Variants in MICU1 observed in about 807,000 individuals in gnomAD.
MICU1 encodes the protein calcium uptake protein 1, mitochondrial.
In MICU1, 45 loss-of-function variants were observed where a neutral mutation model predicts 56.8. That is an observed-to-expected ratio of 0.79 (90% CI 0.62 to 1.02). MICU1 has a LOEUF of 1.02. MICU1 is among the 50% of genes least tolerant of loss of function. MICU1 has a pLI of 0.00. For missense variants in MICU1, 504 were observed against 587.1 expected, an observed-to-expected ratio of 0.86 and a Z score of 1.46; for synonymous variants, 186 against 195.1, an observed-to-expected ratio of 0.95 and a Z score of 0.39.
At chr10:72,540,281 A>G (rs1445977524) in intron 4 of MICU1, among the ~76,000 whole-genome samples, 2 of 151,878 alleles carry the variant, frequency 1.3e-5, no homozygotes, top group Non-Finnish European at 2.9e-5. Context: ...AAAAAAAAAA[A>G]AAAAAGAAAA....
At chr10:72,506,796 T>C (rs972557192) in intron 6 of MICU1, among the ~76,000 whole-genome samples, 39 of 152,210 alleles carry the variant, frequency 2.6e-4, no homozygotes, top group African/African-American at 8.9e-4. Context: ...GGCTGGGATC[T>C]GAACTAGAGA....
chr10:72,543,181 G>A (rs1839815252), intron 4 of MICU1, among the ~76,000 whole-genome samples: 1 of 152,176 alleles, frequency 6.6e-6, no homozygotes, highest in African/African-American at 2.4e-5. Context: ...GGTTTTGTCA[G>A]GGACCTGCCC....
chr10:72,466,662 A>T (rs1865802764), intron 8 of MICU1, among the ~76,000 whole-genome samples: 1 of 152,230 alleles, frequency 6.6e-6, no homozygotes, highest in Non-Finnish European at 1.5e-5. Flanking sequence ...AAACTGGGCT[A>T]TCAGTGCAAA....
At chr10:72,428,543 A>C (rs1864422898) in intron 8 of MICU1, among the ~76,000 whole-genome samples, 1 of 152,144 alleles carries the variant, frequency 6.6e-6, no homozygotes, top group African/African-American at 2.4e-5. Context: ...CGAACTCCTG[A>C]CATCAGGTGA....
chr10:72,429,166 T>A (rs1864443873), intron 8 of MICU1, among the ~76,000 whole-genome samples: 1 of 152,182 alleles, frequency 6.6e-6, no homozygotes, highest in Non-Finnish European at 1.5e-5. Flanking sequence ...ACACCTGTAA[T>A]CCCAGCATTT....
At chr10:72,471,563 GTTTT>G (rs933446539) in intron 8 of MICU1, among the ~76,000 whole-genome samples, 10 of 147,280 alleles carry the variant, frequency 6.8e-5, no homozygotes, top group Non-Finnish European at 3.1e-5. Flanking sequence ...TTTGCTAAAA[GTTTT>G]TTTGTTTGTT....
intron 6 of MICU1, among the ~76,000 whole-genome samples, chr10:72,492,842 T>A (rs949699747): frequency 6.8e-6 from 1 of 147,782 alleles, no homozygotes; most frequent in Non-Finnish European, 1.5e-5. Flanking sequence ...ATGGGCCAGG[T>A]GTGGTGGCTC....
chr10:72,437,611 T>C (rs888224502), intron 8 of MICU1, among the ~76,000 whole-genome samples: 1 of 152,098 alleles, frequency 6.6e-6, no homozygotes, highest in Non-Finnish European at 1.5e-5. Flanking sequence ...GCAAATTGGA[T>C]AAAGAGTCAA....
intron 1 of MICU1, among the ~76,000 whole-genome samples, chr10:72,586,316 A>G (rs956161940): frequency 9.2e-5 from 14 of 151,978 alleles, no homozygotes; most frequent in Admixed American, 3.3e-4. Context: ...CCAGCATCAA[A>G]TATTTTTAAT....
At chr10:72,543,415 C>G (rs931302959) in intron 4 of MICU1, among the ~76,000 whole-genome samples, 2 of 152,176 alleles carry the variant, frequency 1.3e-5, no homozygotes, top group Admixed American at 1.3e-4. Context: ...AGGCTCACAC[C>G]TATAATCCTG....
intron 5 of MICU1, among the ~76,000 whole-genome samples, chr10:72,522,464 T>G (rs1867851569): frequency 6.6e-6 from 1 of 152,162 alleles, no homozygotes; most frequent in African/African-American, 2.4e-5. Context: ...TCTGAATATT[T>G]GAGACAACTA....
chr10:72,520,505 T>C (rs1419239875), intron 5 of MICU1, among the ~76,000 whole-genome samples: 1 of 152,156 alleles, frequency 6.6e-6, no homozygotes, highest in Non-Finnish European at 1.5e-5. Context: ...TCAAAGGTAA[T>C]ATCGCATTTG....
chr10:72,447,990 CT>C (rs1180545684), intron 8 of MICU1, among the ~76,000 whole-genome samples: 1 of 151,732 alleles, frequency 6.6e-6, no homozygotes, highest in Non-Finnish European at 1.5e-5. Flanking sequence ...GTTGATCTCA[CT>C]TTTTCTGATG....
intron 11 of MICU1, 57 bp from the exon 12 acceptor site, chr10:72,368,412 G>A: frequency 6.4e-7 from 1 of 1,555,876 alleles, no homozygotes; most frequent in Admixed American, 1.7e-5. Flanking sequence ...CAACACCACT[G>A]ATATAATTCC....
intron 1 of MICU1, among the ~76,000 whole-genome samples, chr10:72,589,161 C>T (rs1402056690): frequency 2.0e-5 from 3 of 151,954 alleles, no homozygotes; most frequent in East Asian, 3.9e-4. Context: ...TGGTGGCAGG[C>T]GCCTGTAATC....
At chr10:72,399,422 T>C (rs1213121350) in intron 10 of MICU1, among the ~76,000 whole-genome samples, 2 of 152,116 alleles carry the variant, frequency 1.3e-5, no homozygotes, top group Non-Finnish European at 2.9e-5. Context: ...GTCTCAAACC[T>C]GCACGTTGTG....
intron 3 of MICU1, among the ~76,000 whole-genome samples, chr10:72,557,486 T>C (rs1840187360): frequency 6.6e-6 from 1 of 152,226 alleles, no homozygotes; most frequent in Non-Finnish European, 1.5e-5. Context: ...AGATCACATT[T>C]AGAAATCTTA....
chr10:72,495,970 ATT>A (rs757363312), intron 6 of MICU1, among the ~76,000 whole-genome samples: 5 of 145,324 alleles, frequency 3.4e-5, no homozygotes, highest in Admixed American at 1.4e-4. Context: ...ATCATTTGGA[ATT>A]TTTTTTTTTT....
chr10:72,625,798 G>A (rs1179007223), intron 1 of MICU1, among the ~76,000 whole-genome samples: 3 of 152,170 alleles, frequency 2.0e-5, no homozygotes, highest in Non-Finnish European at 4.4e-5. Context: ...AGTGGAGGAC[G>A]GGAGGCAAGC....
Sources: gnomAD v4.1 joint callset for allele counts (sites outside exome capture counted in the v4.1 genomes callset) on GRCh38, gnomAD v4.1.1 for gene constraint, MANE v1.5 for transcripts, NCBI Gene and HGNC (gene_info 2026-07-23, HGNC 2026-07-21) for gene names.